Variants in ZFHX3 observed in about 807,000 individuals in gnomAD.
The protein encoded by ZFHX3 is zinc finger homeobox 3, also known as zinc finger homeobox protein 3.
A neutral mutation model predicts 279.1 loss-of-function variants in ZFHX3; 42 were observed. The observed-to-expected ratio is 0.15, with a 90% CI of 0.12 to 0.19. ZFHX3 has a LOEUF of 0.19. Ranked by LOEUF, ZFHX3 falls within the 10% of genes least tolerant of loss-of-function variation. The pLI, the probability that ZFHX3 is intolerant of heterozygous loss-of-function variation, is 1.00. For missense variants in ZFHX3, 4,981 were observed against 4,754.0 expected, an observed-to-expected ratio of 1.05 and a Z score of -1.40; for synonymous variants, 2,293 against 1,957.8, an observed-to-expected ratio of 1.17 and a Z score of -4.52.
intron 2 of ZFHX3, among the ~76,000 whole-genome samples, chr16:73,568,824 T>C (rs977337880): frequency 3.9e-5 from 6 of 152,052 alleles, no homozygotes; most frequent in African/African-American, 9.7e-5. Context: ...ACAGATTACA[T>C]GGTAAATTAT....
Position 72,958,158 on chromosome 16 carries a change from T to C in ZFHX3, c.1988A>G (p.His663Arg), listed in dbSNP as rs780319350. Residue 663 changes from histidine (H) to arginine (R), a missense_variant, in exon 2 of 10, where the codon CAT becomes CGT. By Grantham distance (29) the His-to-Arg change is conservative. Coordinates refer to ENST00000268489, the MANE Select transcript of ZFHX3 (RefSeq NM_006885.4). ...RSLGGHMTMMHSRNSCKTLKC... is the reference protein window; with the variant it reads ...RSLGGHMTMMRSRNSCKTLKC... ...GAGTGTCTTACACGAGTTACGAGAA[T>C]GCATCATGGTCATGTGGCCGCCCAG... 3.7e-6 allele frequency: 6 copies of C among 1,613,948 alleles called. No homozygotes were observed. Among genetic ancestry groups the C allele is most frequent in the Non-Finnish European group, 5.1e-6 (6 of 1,179,854 alleles).
At chr16:73,800,880 G>T (rs1468309519) in intron 1 of ZFHX3, among the ~76,000 whole-genome samples, 1 of 152,160 alleles carries the variant, frequency 6.6e-6, no homozygotes, top group African/African-American at 2.4e-5. Context: ...TCTGCTTTTT[G>T]ATGATGATTT....
At chr16:73,038,840 C>A (rs1965007389) in intron 1 of ZFHX3, among the ~76,000 whole-genome samples, 1 of 151,680 alleles carries the variant, frequency 6.6e-6, no homozygotes, top group Non-Finnish European at 1.5e-5. Flanking sequence ...CTCTGTCACC[C>A]AGGCTGGAGT....
At chr16:73,353,332 G>A (rs1352654749) in intron 3 of ZFHX3, among the ~76,000 whole-genome samples, 2 of 152,192 alleles carry the variant, frequency 1.3e-5, no homozygotes, top group African/African-American at 4.8e-5. Context: ...GAAAACCAAA[G>A]CAAGGACTGC....
chr16:73,784,793 AAAAATAT>A lies in ZFHX3; in HGVS notation c.-1607-104560_-1607-104554del, dbSNP rs61259132. ...AAACTATTTTTAACAAAATAAAAAA[AAAAATAT>A]ATATATATATATATATACACACACA... On this transcript the variant is annotated intron_variant, in intron 1 of 17. Coordinates refer to the ZFHX3 transcript ENST00000641206. 2.9e-3 allele frequency among the ~76,000 whole-genome samples: 343 copies of A among 116,564 alleles called. 1 individual carries two copies. Among genetic ancestry groups the A allele is most frequent in the African/African-American group, 0.011 (324 of 29,146 alleles). 76.5% of individuals were successfully genotyped at this position (116,564 alleles called of 152,430 possible).
chr16:73,743,379 T>C (rs1457671008), intron 1 of ZFHX3, among the ~76,000 whole-genome samples: 1 of 152,210 alleles, frequency 6.6e-6, no homozygotes, highest in Middle Eastern at 3.2e-3. Flanking sequence ...CAAATTACAA[T>C]ACACAATACT....
intron 3 of ZFHX3, among the ~76,000 whole-genome samples, chr16:73,349,726 T>C (rs1440151940): frequency 7.7e-5 from 1 of 12,958 alleles, no homozygotes; most frequent in Non-Finnish European, 1.6e-4. Context: ...CTTCCCTCTC[T>C]CCCTCTCCCT....
chr16:73,683,841 G>A (rs968840200), intron 1 of ZFHX3, among the ~76,000 whole-genome samples: 13 of 152,200 alleles, frequency 8.5e-5, no homozygotes, highest in African/African-American at 2.4e-4. Flanking sequence ...TAGTATAATA[G>A]AATGTTATTT....
At chr16:72,822,408 C>A (rs1386733140) in intron 5 of ZFHX3, among the ~76,000 whole-genome samples, 1 of 152,204 alleles carries the variant, frequency 6.6e-6, no homozygotes, top group Non-Finnish European at 1.5e-5. Context: ...GCAACTCTGA[C>A]ACCCGAGTTC....
chr16:73,830,411 G>GGCCAT (rs1452881614), intron 1 of ZFHX3, among the ~76,000 whole-genome samples: 4 of 152,084 alleles, frequency 2.6e-5, no homozygotes, highest in Admixed American at 2.6e-4. Flanking sequence ...GTTCCTATTC[G>GGCCAT]GCCATCTTGG....
At chr16:73,479,706 G>A (rs1315009554) in intron 2 of ZFHX3, among the ~76,000 whole-genome samples, 3 of 152,156 alleles carry the variant, frequency 2.0e-5, no homozygotes, top group Non-Finnish European at 4.4e-5. Context: ...ATATGTAATG[G>A]GAAATGATTG....
chr16:73,423,721 G>A (rs2017759903), intron 3 of ZFHX3, among the ~76,000 whole-genome samples: 1 of 152,122 alleles, frequency 6.6e-6, no homozygotes, highest in Non-Finnish European at 1.5e-5. Context: ...ACTTAGCCAG[G>A]CGCAGTGGTG....
At position 72,796,989 on chromosome 16, in the gene ZFHX3, C is replaced by A. The variant is rs753973363; in HGVS notation, c.5693G>T (p.Gly1898Val). Residue 1898 changes from glycine (G) to valine (V), a missense_variant, in exon 9 of 10, where the codon GGG becomes GTG. By Grantham distance (109) the Gly-to-Val change is moderately radical. Around this residue, in one of 7 missense-constraint regions of ZFHX3, gnomAD observed 1,751 missense variants for 1,770.0 expected, o/e 0.99. Coordinates refer to ENST00000268489, the MANE Select transcript of ZFHX3 (RefSeq NM_006885.4). ...CTTCGGACCGGTGTTGCCCTCTCCC[C>A]CCTCGGCGCTGTCCCTCTCTCTCTG... is the stretch of plus-strand genomic sequence containing the variant. ...ESQRERDSAEGGEGNTGPKET... is the reference protein window; with the variant it reads ...ESQRERDSAEVGEGNTGPKET... 6.2e-7 allele frequency: 1 copy of A among 1,614,022 alleles called. No individual in the cohort carries two copies. The highest frequency in any genetic ancestry group is 8.5e-7 in the Non-Finnish European group (1 of 1,180,012).
chr16:73,621,736 C>T (rs894207759), intron 2 of ZFHX3, among the ~76,000 whole-genome samples: 1 of 152,178 alleles, frequency 6.6e-6, no homozygotes, highest in African/African-American at 2.4e-5. Context: ...TTAGCATATT[C>T]TTGGTAATGC....
intron 2 of ZFHX3, among the ~76,000 whole-genome samples, chr16:73,652,693 GTGTC>G (rs1357461266): frequency 1.3e-5 from 2 of 152,148 alleles, no homozygotes; most frequent in African/African-American, 2.4e-5. Flanking sequence ...GCTGGAGAAA[GTGTC>G]TGGAGAAACT....
At chr16:73,557,373 T>C (rs891021828) in intron 2 of ZFHX3, among the ~76,000 whole-genome samples, 5 of 152,190 alleles carry the variant, frequency 3.3e-5, no homozygotes, top group Non-Finnish European at 7.3e-5. Context: ...AGAGGATTCT[T>C]GGATCTCACA....
At chr16:72,812,994 G>C (rs2036504934) in intron 5 of ZFHX3, among the ~76,000 whole-genome samples, 1 of 152,170 alleles carries the variant, frequency 6.6e-6, no homozygotes, top group Admixed American at 6.5e-5. Flanking sequence ...TTCCAGTAGA[G>C]GCAAACACTT....
At chr16:73,845,247 G>C (rs1428900057) in intron 1 of ZFHX3, among the ~76,000 whole-genome samples, 2 of 152,152 alleles carry the variant, frequency 1.3e-5, no homozygotes, top group African/African-American at 4.8e-5. Flanking sequence ...ATTTGAGAGT[G>C]TGAAGATGAT....
intron 4 of ZFHX3, among the ~76,000 whole-genome samples, chr16:73,306,195 C>G (rs1389695696): frequency 5.9e-5 from 9 of 152,090 alleles, no homozygotes; most frequent in Admixed American, 5.9e-4. Flanking sequence ...CCAAGAGAAC[C>G]CAGTCTGTTT....
Sources: allele counts gnomAD v4.1 joint callset (sites outside exome capture counted in the v4.1 genomes callset), GRCh38; gene constraint gnomAD v4.1.1; regional missense constraint gnomAD v4.1.1; transcripts MANE v1.5; gene names NCBI Gene and HGNC (gene_info 2026-07-23, HGNC 2026-07-21).